The following FUT9 variants were observed in gnomAD, a reference collection of about 807,000 sequenced individuals.
FUT9 encodes the protein 4-galactosyl-N-acetylglucosaminide 3-alpha-L-fucosyltransferase 9.
In FUT9, 15 loss-of-function variants were observed where a neutral mutation model predicts 29.7. The observed-to-expected ratio is 0.51, with a 90% CI of 0.34 to 0.78. FUT9 has a LOEUF of 0.78. Among genes scored for constraint, FUT9 ranks in the 30% least tolerant of loss-of-function variants. FUT9 has a pLI of 0.01. For synonymous variants in FUT9, 169 were observed against 153.7 expected (o/e 1.10, Z -0.74); for missense variants, 319 against 425.4 (o/e 0.75, Z 2.20).
intron 1 of FUT9, among the ~76,000 whole-genome samples, chr6:96,099,413 A>C (rs981190354): frequency 1.3e-5 from 2 of 152,044 alleles, no homozygotes; most frequent in African/African-American, 2.4e-5. Context: ...ACATGCTATT[A>C]TGATTATTTC....
intron 2 of FUT9, among the ~76,000 whole-genome samples, chr6:96,119,631 GAAATAA>G (rs1385670477): frequency 1.3e-5 from 2 of 151,964 alleles, no homozygotes; most frequent in African/African-American, 4.8e-5. Context: ...TATCTCAGAG[GAAATAA>G]AGTCATTTTA....
chr6:96,039,484 C>G (rs1428591911), intron 1 of FUT9, among the ~76,000 whole-genome samples: 3 of 152,126 alleles, frequency 2.0e-5, no homozygotes, highest in Non-Finnish European at 1.5e-5. Flanking sequence ...CACCCGCTAT[C>G]TCATTTTTCT....
intron 2 of FUT9, among the ~76,000 whole-genome samples, chr6:96,198,822 A>C (rs559194580): frequency 6.6e-6 from 1 of 152,214 alleles, no homozygotes; most frequent in Non-Finnish European, 1.5e-5. Context: ...AACTGGTGTG[A>C]GATGGTATCT....
In FUT9 at chr6:96,183,651, A is replaced by C. The variant is rs115279129; in HGVS notation, c.-8-19497A>C. Among the ~76,000 whole-genome samples the C allele has an allele frequency of 9.4e-3, 1,430 of 152,120 alleles. 23 individuals carry two copies. Among genetic ancestry groups the C allele is most frequent in the African/African-American group, 0.033 (1,372 of 41,510 alleles). ...GATTTTGTTGAGAGTTTTAATCATA[A>C]AGGGATGCTAGATTTTGTGGAATGC... On this transcript the variant is annotated intron_variant, in intron 2 of 2. Coordinates refer to ENST00000302103, the MANE Select transcript of FUT9 (RefSeq NM_006581.4).
chr6:96,091,898 TAA>T (rs1771417582), intron 1 of FUT9, among the ~76,000 whole-genome samples: 1 of 152,132 alleles, frequency 6.6e-6, no homozygotes, highest in African/African-American at 2.4e-5. Context: ...TTTTCAGAAA[TAA>T]AGTTTCCATA....
chr6:96,199,239 C>T (rs1459951676), intron 2 of FUT9, among the ~76,000 whole-genome samples: 1 of 152,122 alleles, frequency 6.6e-6, no homozygotes, highest in Non-Finnish European at 1.5e-5. Context: ...CAGTATAAGA[C>T]ATGTTAAGTA....
At chr6:96,057,343 A>T (rs10499003) in intron 1 of FUT9, among the ~76,000 whole-genome samples, 1 of 152,126 alleles carries the variant, frequency 6.6e-6, no homozygotes, top group Non-Finnish European at 1.5e-5. Flanking sequence ...TTTATATCTA[A>T]CATTAGGAAG....
intron 2 of FUT9, among the ~76,000 whole-genome samples, chr6:96,142,569 T>A (rs1185896640): frequency 6.6e-6 from 1 of 152,196 alleles, no homozygotes; most frequent in African/African-American, 2.4e-5. Context: ...ACTAAGTGAA[T>A]CTGATCCTAC....
intron 2 of FUT9, among the ~76,000 whole-genome samples, chr6:96,148,887 G>T (rs1367653254): frequency 6.6e-6 from 1 of 152,156 alleles, no homozygotes; most frequent in Non-Finnish European, 1.5e-5. Context: ...AGGCACAGTG[G>T]TTCACATTTG....
chr6:96,062,112 C>G (rs895841307), intron 1 of FUT9, among the ~76,000 whole-genome samples: 1 of 151,846 alleles, frequency 6.6e-6, no homozygotes, highest in Non-Finnish European at 1.5e-5. Context: ...ATGGGTGCAG[C>G]AAAGCACCAT....
At chr6:96,098,408 G>C (rs1289950311) in intron 1 of FUT9, among the ~76,000 whole-genome samples, 1 of 152,132 alleles carries the variant, frequency 6.6e-6, no homozygotes, top group Non-Finnish European at 1.5e-5. Context: ...GATCCACAGT[G>C]ATCTTTCATT....
At chr6:96,069,320 CA>C (rs66913347) in intron 1 of FUT9, among the ~76,000 whole-genome samples, 80,758 of 146,002 alleles carry the variant, frequency 0.55, 22,098 homozygotes, top group South Asian at 0.63. Context: ...GACTCCATCT[CA>C]AAAAAAAAAA....
chr6:96,085,636 G>C (rs895741495), intron 1 of FUT9, among the ~76,000 whole-genome samples: 14 of 152,132 alleles, frequency 9.2e-5, no homozygotes, highest in African/African-American at 7.2e-5. Context: ...CAGTGGACTA[G>C]ATGCAGTCAT....
intron 1 of FUT9, among the ~76,000 whole-genome samples, chr6:96,063,939 C>T (rs141708198): frequency 6.0e-4 from 92 of 152,240 alleles, no homozygotes; most frequent in African/African-American, 1.8e-3. Flanking sequence ...TTTAAACTCA[C>T]TGGAAAAGCT....
chr6:96,137,611 A>C (rs1381275344), intron 2 of FUT9, among the ~76,000 whole-genome samples: 1 of 152,104 alleles, frequency 6.6e-6, no homozygotes, highest in African/African-American at 2.4e-5. Context: ...AAGTTGTATT[A>C]ACAGCCAATA....
intron 1 of FUT9, among the ~76,000 whole-genome samples, chr6:96,034,117 C>T (rs1047239743): frequency 9.9e-5 from 15 of 151,526 alleles, no homozygotes; most frequent in African/African-American, 3.4e-4. Flanking sequence ...TTTCAGTATT[C>T]TCTTCTTATT....
At chr6:96,030,616 A>C (rs1263629040) in intron 1 of FUT9, among the ~76,000 whole-genome samples, 1 of 151,540 alleles carries the variant, frequency 6.6e-6, no homozygotes, top group Admixed American at 6.6e-5. Flanking sequence ...CCAGCAATAC[A>C]ATTTCTAGGT....
chr6:96,089,614 A>G (rs1212682176), intron 1 of FUT9, among the ~76,000 whole-genome samples: 3 of 152,326 alleles, frequency 2.0e-5, no homozygotes, highest in Admixed American at 6.5e-5. Context: ...TACTAACAGT[A>G]TACATCGATC....
chr6:96,058,180 T>C (rs1770808803), intron 1 of FUT9, among the ~76,000 whole-genome samples: 2 of 151,986 alleles, frequency 1.3e-5, no homozygotes, highest in African/African-American at 2.4e-5. Flanking sequence ...GCTACTCCCG[T>C]TTGTCAGTAG....
Sources: allele counts gnomAD v4.1 joint callset (sites outside exome capture counted in the v4.1 genomes callset), GRCh38; gene constraint gnomAD v4.1.1; transcripts MANE v1.5; gene names NCBI Gene and HGNC (gene_info 2026-07-23, HGNC 2026-07-21).